Variants in ACSL4 observed in about 807,000 individuals in gnomAD.
The protein encoded by ACSL4 is acyl-CoA synthetase long chain family member 4, also known as long-chain-fatty-acid--CoA ligase 4.
In ACSL4, 9 loss-of-function variants were observed where a neutral mutation model predicts 49.1. That is an observed-to-expected ratio of 0.18 (90% CI 0.11 to 0.32). ACSL4 has a LOEUF of 0.32. Ranked by LOEUF, ACSL4 falls within the 10% of genes least tolerant of loss-of-function variation. ACSL4 has a pLI of 1.00. For synonymous variants in ACSL4, 191 were observed against 170.3 expected, an observed-to-expected ratio of 1.12 and a Z score of -0.95; for missense variants, 333 against 493.7, an observed-to-expected ratio of 0.67 and a Z score of 3.08.
intron 6 of ACSL4, among the ~76,000 whole-genome samples, chrX:109,678,807 G>A (rs1047836152): frequency 1.8e-5 from 2 of 112,710 alleles, no homozygotes; most frequent in African/African-American, 3.2e-5. Flanking sequence ...TCCAGCCTGG[G>A]CTAGAAAACA....
rs951719643 is a variant in ACSL4, at chrX:109,643,461, C to G, written c.*568G>C. On this transcript the variant is annotated 3_prime_UTR_variant, in exon 16 of 16. Coordinates refer to ENST00000672401, the MANE Select transcript of ACSL4 (RefSeq NM_001318510.2). ...TCACAACATTACAATGACTCTATAT[C>G]TAACCTATGCAACAATTATAATCTT... The G allele has an allele frequency of 8.8e-6, 1 of 113,259 alleles. No individual in the cohort carries two copies. The highest frequency in any genetic ancestry group is 3.3e-5 in the African/African-American group (1 of 30,703). 9.3% of individuals were successfully genotyped at this position (113,259 alleles called of 1,213,427 possible). A position where few individuals can be genotyped will look rare whatever the true frequency, so the allele number is the denominator to read the frequency against.
intron 15 of ACSL4, among the ~76,000 whole-genome samples, chrX:109,644,410 A>G (rs765945946): frequency 1.8e-5 from 2 of 110,886 alleles, no homozygotes; most frequent in South Asian, 7.7e-4. Context: ...TTCATTTTAT[A>G]TTTCTCAAAG....
At chrX:109,724,620 G>A (rs755073463) in intron 1 of ACSL4, among the ~76,000 whole-genome samples, 21 of 111,288 alleles carry the variant, frequency 1.9e-4, no homozygotes, top group Non-Finnish European at 3.8e-4. Context: ...CTAAATTTTT[G>A]TATTTTTTGG....
At chrX:109,726,909 G>T (rs1397224220) in intron 1 of ACSL4, among the ~76,000 whole-genome samples, 1 of 108,398 alleles carries the variant, frequency 9.2e-6, no homozygotes, top group Admixed American at 9.9e-5. Context: ...TAGAGACAGG[G>T]TCTCACTATG....
At chrX:109,704,481 T>C (rs758425824) in intron 1 of ACSL4, among the ~76,000 whole-genome samples, 1 of 111,697 alleles carries the variant, frequency 9.0e-6, no homozygotes, top group Admixed American at 9.6e-5. Flanking sequence ...ATAAATACGA[T>C]GTAGATCTAT....
At position 109,659,651 on chromosome X, in the gene ACSL4, C is replaced by T. The variant is rs1922003225; in HGVS notation, c.1698-140G>A. 33 of 449,918 alleles carry T rather than the reference C, an allele frequency of 7.3e-5. No individual in the cohort carries two copies. The South Asian group carries it at 1.2e-3, about 16-fold the overall frequency. The allele number at this position is 449,918 out of a possible 1,213,427, so 37.1% of individuals were successfully genotyped here. A position where few individuals can be genotyped will look rare whatever the true frequency, so the allele number is the denominator to read the frequency against. On this transcript the variant is annotated intron_variant, in intron 14 of 15. Coordinates refer to ENST00000672401, the MANE Select transcript of ACSL4 (RefSeq NM_001318510.2). ...AAAGTTTCATTAGGAAATGATAAAA[C>T]CCATAGTACCAGCATAAAGAAGGAC...
chrX:109,683,372 T>C lies in ACSL4; in HGVS notation c.-9A>G. 1.7e-6 allele frequency: 2 copies of C among 1,211,704 alleles called. No homozygotes were observed. Among genetic ancestry groups the C allele is most frequent in the Non-Finnish European group, 2.2e-6 (2 of 895,212 alleles). On this transcript the variant is annotated 5_prime_UTR_variant, in exon 3 of 16. Transcript: ENST00000672401. ...TTTATTCTCTTTGCCATAGCGTTTTTCTTCTTGGCATTGGTAAGAAAATAC... is the reference window on the plus strand; with the variant it reads ...TTTATTCTCTTTGCCATAGCGTTTTCCTTCTTGGCATTGGTAAGAAAATAC...
chrX:109,726,382 C>T (rs759351423), intron 1 of ACSL4, among the ~76,000 whole-genome samples: 1 of 112,334 alleles, frequency 8.9e-6, no homozygotes, highest in East Asian at 2.8e-4. Context: ...GAGATTGCAC[C>T]ATTGCACTCC....
chrX:109,699,633 T>G (rs1285546614), intron 1 of ACSL4, among the ~76,000 whole-genome samples: 3 of 111,909 alleles, frequency 2.7e-5, no homozygotes, highest in Non-Finnish European at 5.6e-5. Context: ...TGTTACATAT[T>G]CATAGAAAAA....
chrX:109,642,555 C>T lies in ACSL4; in HGVS notation c.*1474G>A, dbSNP rs759628048. On this transcript the variant is annotated 3_prime_UTR_variant, in exon 16 of 16. Coordinates refer to ENST00000672401, the MANE Select transcript of ACSL4 (RefSeq NM_001318510.2). ...TGTATTTTGTTGCAATGGTGGCCCA[C>T]ATCTGTACAAAACAACATAAGCAAC... The T allele has an allele frequency of 2.7e-5, 3 of 111,039 alleles. No homozygotes were observed. The highest frequency in any genetic ancestry group is 6.6e-5 in the African/African-American group (2 of 30,518). The allele number at this position is 111,039 out of a possible 1,213,427, so 9.2% of individuals were successfully genotyped here. A position where few individuals can be genotyped will look rare whatever the true frequency, so the allele number is the denominator to read the frequency against.
At chrX:109,729,260 A>G (rs1208844206) in intron 1 of ACSL4, among the ~76,000 whole-genome samples, 1 of 111,623 alleles carries the variant, frequency 9.0e-6, no homozygotes, top group Non-Finnish European at 1.9e-5. Flanking sequence ...TAAAAAAAAA[A>G]TCCAAATAGA....
At chrX:109,724,264 G>A (rs1174080033) in intron 1 of ACSL4, among the ~76,000 whole-genome samples, 1 of 110,551 alleles carries the variant, frequency 9.0e-6, no homozygotes, top group Non-Finnish European at 1.9e-5. Flanking sequence ...TTATTTTTGG[G>A]GGGCTTTTTT....
chrX:109,667,707 G>T (rs754421831), intron 11 of ACSL4, among the ~76,000 whole-genome samples: 1 of 111,441 alleles, frequency 9.0e-6, no homozygotes, highest in South Asian at 3.8e-4. Flanking sequence ...GACCAGCCTG[G>T]TCAACATGGT....
chrX:109,648,142 G>C (rs1422200584), intron 15 of ACSL4, among the ~76,000 whole-genome samples: 4 of 110,354 alleles, frequency 3.6e-5, no homozygotes, highest in African/African-American at 1.3e-4. Context: ...CCAATCAATA[G>C]AAAATGAGGG....
chrX:109,680,746 GC>G (rs1214566616), intron 6 of ACSL4, among the ~76,000 whole-genome samples: 1 of 113,018 alleles, frequency 8.8e-6, no homozygotes, highest in Admixed American at 9.3e-5. Flanking sequence ...ACATTTGGCA[GC>G]AACTGCCATG....
intron 1 of ACSL4, among the ~76,000 whole-genome samples, chrX:109,713,826 A>G (rs1346514768): frequency 8.9e-6 from 1 of 112,300 alleles, no homozygotes; most frequent in East Asian, 2.8e-4. Context: ...CATTTCAGTC[A>G]ATGACGGACT....
chrX:109,658,508 G>T (rs1394831137), intron 15 of ACSL4, among the ~76,000 whole-genome samples: 2 of 111,617 alleles, frequency 1.8e-5, no homozygotes, highest in East Asian at 5.7e-4. Flanking sequence ...CCAAATTTCT[G>T]AACAAGCATA....
At position 109,681,154 on chromosome X, in the gene ACSL4, A is replaced by G. The variant is rs1181488309; in HGVS notation, c.517-18T>C. On this transcript the variant is annotated intron_variant, in intron 5 of 15. Coordinates refer to ENST00000672401, the MANE Select transcript of ACSL4 (RefSeq NM_001318510.2). Reference sequence around the variant, plus strand: ...AATGCAGTCTGTTGAGCAGAAAGAAAAAAAAACAGCTATTAAACTTAAGCC... The same window carrying G: ...AATGCAGTCTGTTGAGCAGAAAGAAGAAAAAACAGCTATTAAACTTAAGCC... 1 of 1,208,769 alleles carries G rather than the reference A, an allele frequency of 8.3e-7. No individual in the cohort carries two copies. Among genetic ancestry groups the G allele is most frequent in the Non-Finnish European group, 1.1e-6 (1 of 894,629 alleles).
At position 109,648,044 on chromosome X, in the gene ACSL4, C is replaced by CA. The variant is rs762951502; in HGVS notation, c.1856-3859dup. Among the ~76,000 whole-genome samples, 29 of 110,699 alleles carry CA rather than the reference C, an allele frequency of 2.6e-4. 3 individuals are homozygous for CA. Among genetic ancestry groups the CA allele is most frequent in the South Asian group, 1.9e-3 (5 of 2,661 alleles). The stretch of plus-strand genomic sequence containing the variant: ...GAGGCAGTAATTAATAGCCTACCAA[C>CA]AAAAAAAAGCCCATGACCAGATGGA... On this transcript the variant is annotated intron_variant, in intron 15 of 15. Transcript: ENST00000672401.
Sources: gnomAD v4.1 joint callset for allele counts (sites outside exome capture counted in the v4.1 genomes callset) on GRCh38, gnomAD v4.1.1 for gene constraint, MANE v1.5 for transcripts, NCBI Gene and HGNC (gene_info 2026-07-23, HGNC 2026-07-21) for gene names.